The following RBFOX3 variants were observed in gnomAD, a reference collection of about 807,000 sequenced individuals.
RBFOX3 encodes the protein RNA binding protein fox-1 homolog 3.
In RBFOX3, 17 loss-of-function variants were observed where a neutral mutation model predicts 48.7. That is an observed-to-expected ratio of 0.35 (90% CI 0.24 to 0.52). The LOEUF (loss-of-function observed/expected upper bound fraction) is 0.52. Ranked by LOEUF, RBFOX3 falls within the 20% of genes least tolerant of loss-of-function variation. The pLI is 0.94. For missense variants in RBFOX3, 382 were observed against 497.5 expected, an observed-to-expected ratio of 0.77 and a Z score of 2.21; for synonymous variants, 212 against 209.5, an observed-to-expected ratio of 1.01 and a Z score of -0.10.
chr17:79,441,926 G>A (rs1037680079), intron 2 of RBFOX3, among the ~76,000 whole-genome samples: 1 of 152,016 alleles, frequency 6.6e-6, no homozygotes. Context: ...GAGAAAGGCA[G>A]ACCAACAGGT....
chr17:79,560,411 T>G (rs1365840002), intron 1 of RBFOX3, among the ~76,000 whole-genome samples: 3 of 152,072 alleles, frequency 2.0e-5, no homozygotes, highest in African/African-American at 7.2e-5. Flanking sequence ...TGGCGGAAGG[T>G]GTGAGAGGGC....
At chr17:79,435,652 G>A (rs1286645720) in intron 2 of RBFOX3, among the ~76,000 whole-genome samples, 1 of 152,232 alleles carries the variant, frequency 6.6e-6, no homozygotes, top group Non-Finnish European at 1.5e-5. Context: ...CCGGGCTCAG[G>A]CCCGGGCCCC....
At position 79,386,232 on chromosome 17, in the gene RBFOX3, C is replaced by T. The variant is rs150469736; in HGVS notation, c.-174-78408G>A. The stretch of plus-strand genomic sequence containing the variant: ...TAGAGAAAGAGGCTCCATCACCCTC[C>T]ATTGCAGACAGGAACCTCCCACACC... On this transcript the variant is annotated intron_variant, in intron 2 of 14. Transcript: ENST00000693108. 4.0e-5 allele frequency among the ~76,000 whole-genome samples: 6 copies of T among 150,800 alleles called. No homozygotes were observed. In the East Asian group the frequency reaches 1.0e-3, roughly 25 times the overall value.
chr17:79,350,719 T>C (rs918727776), intron 2 of RBFOX3, among the ~76,000 whole-genome samples: 4 of 152,174 alleles, frequency 2.6e-5, no homozygotes, highest in Admixed American at 6.5e-5. Context: ...GCAGGGAAGA[T>C]GCACCATCCT....
At chr17:79,561,095 T>C (rs1429108112) in intron 1 of RBFOX3, among the ~76,000 whole-genome samples, 2 of 152,140 alleles carry the variant, frequency 1.3e-5, no homozygotes, top group African/African-American at 4.8e-5. Flanking sequence ...CAAATAGACC[T>C]TGCACTACAG....
intron 2 of RBFOX3, among the ~76,000 whole-genome samples, chr17:79,415,878 G>A (rs944986950): frequency 1.5e-4 from 23 of 152,110 alleles, no homozygotes; most frequent in Non-Finnish European, 2.8e-4. Flanking sequence ...TGAGCATGCC[G>A]CAGACCCCAG....
chr17:79,198,665 A>C lies in RBFOX3; in HGVS notation c.-34+37101T>G. 6.7e-6 allele frequency among the ~76,000 whole-genome samples: 1 copy of C among 150,174 alleles called. No homozygotes were observed. Among genetic ancestry groups the C allele is most frequent in the Non-Finnish European group, 1.5e-5 (1 of 67,770 alleles). On this transcript the variant is annotated intron_variant, in intron 4 of 14. Coordinates refer to ENST00000693108, the MANE Select transcript of RBFOX3 (RefSeq NM_001350451.2). This position sits in a 1 kb window ranked among gnomAD's most constrained non-coding sequence, Gnocchi z 8.2. Reference sequence around the variant, plus strand: ...TTTTAAGATGGAGTCTTGCTCTGTCACTCAAGCTGGAGTGCAGTGGCATGA... The same window carrying C: ...TTTTAAGATGGAGTCTTGCTCTGTCCCTCAAGCTGGAGTGCAGTGGCATGA...
chr17:79,100,576 C>T (rs1023104900), intron 9 of RBFOX3, among the ~76,000 whole-genome samples: 6 of 152,114 alleles, frequency 3.9e-5, no homozygotes, highest in Non-Finnish European at 8.8e-5. Flanking sequence ...CCTGACTCCA[C>T]GTATGGCCGA....
chr17:79,592,465 G>GTA (rs1176068701), intron 1 of RBFOX3, among the ~76,000 whole-genome samples: 53 of 152,154 alleles, frequency 3.5e-4, no homozygotes, highest in African/African-American at 1.3e-3. Flanking sequence ...GTGCATGTGT[G>GTA]TAGTGTGTGC....
At chr17:79,494,288 A>G (rs2081123575) in intron 1 of RBFOX3, among the ~76,000 whole-genome samples, 3 of 152,178 alleles carry the variant, frequency 2.0e-5, no homozygotes, top group Admixed American at 2.0e-4. Context: ...GCAGCCAGGC[A>G]GGGCAGGAGA....
rs913204456 is a variant in RBFOX3 at position 79,104,182 on chromosome 17, C to T, written c.361-56G>A. On this transcript the variant is annotated intron_variant, in intron 6 of 14. Transcript: ENST00000693108. ...GCAGACAGGAAAGTGCGGGTTAAGA[C>T]TGCTGGCCCAGCTGCCCGCTCCACT... is the stretch of plus-strand genomic sequence containing the variant. 9 of 1,428,324 alleles carry T rather than the reference C, an allele frequency of 6.3e-6. No individual in the cohort carries two copies. The Admixed American group carries it at 1.4e-4, about 22-fold the overall frequency. 88.5% of individuals were successfully genotyped at this position (1,428,324 alleles called of 1,614,324 possible). A position where few individuals can be genotyped will look rare whatever the true frequency, so the allele number is the denominator to read the frequency against.
intron 2 of RBFOX3, among the ~76,000 whole-genome samples, chr17:79,455,266 G>T (rs1555744145): frequency 6.6e-6 from 1 of 152,216 alleles, no homozygotes; most frequent in Non-Finnish European, 1.5e-5. Flanking sequence ...ACCGTGACGG[G>T]GGAGCGGAGA....
At chr17:79,211,006 C>G (rs2058307466) in intron 4 of RBFOX3, among the ~76,000 whole-genome samples, 1 of 151,524 alleles carries the variant, frequency 6.6e-6, no homozygotes, top group African/African-American at 2.4e-5. Context: ...TGCAGAGACA[C>G]AGCAAGAGGT....
chr17:79,441,454 G>A (rs910904162), intron 2 of RBFOX3, among the ~76,000 whole-genome samples: 3 of 152,214 alleles, frequency 2.0e-5, no homozygotes, highest in Non-Finnish European at 4.4e-5. Context: ...AGACACAGAG[G>A]CACACCCAGG....
intron 2 of RBFOX3, among the ~76,000 whole-genome samples, chr17:79,320,315 G>A (rs1380310149): frequency 6.6e-6 from 1 of 152,198 alleles, no homozygotes; most frequent in Non-Finnish European, 1.5e-5. Flanking sequence ...GAGGGGCATT[G>A]CTGGCAGTCC....
chr17:79,292,039 C>G (rs1453803526), intron 3 of RBFOX3, among the ~76,000 whole-genome samples: 1 of 152,048 alleles, frequency 6.6e-6, no homozygotes, highest in Non-Finnish European at 1.5e-5. Context: ...AGCCACGGAG[C>G]TCTCTCACCA....
intron 2 of RBFOX3, among the ~76,000 whole-genome samples, chr17:79,464,817 C>T (rs1015449958): frequency 2.6e-5 from 4 of 152,384 alleles, no homozygotes; most frequent in East Asian, 1.9e-4. Flanking sequence ...CAGCCCCAGC[C>T]GCTCAGATGC....
At chr17:79,619,989 GCACATGCACA>G in the RBFOX3 span, among the ~76,000 whole-genome samples, 6 of 151,496 alleles carry the variant, frequency 4.0e-5, no homozygotes, top group Non-Finnish European at 7.4e-5. Context: ...GCGCACACAC[GCACATGCACA>G]CACATGCACA....
chr17:79,532,436 C>T lies in RBFOX3; in HGVS notation c.-319-49838G>A, dbSNP rs1001511702. Among the ~76,000 whole-genome samples the T allele has an allele frequency of 1.7e-4, 26 of 152,294 alleles. 1 individual carries two copies. In the South Asian group the frequency reaches 3.9e-3, roughly 23 times the overall value. ...AGGAACCAGGTTGCATGCAGGGAGG[C>T]TCAGCCAGAGCTGATGAGGTTGCAG... is the stretch of plus-strand genomic sequence containing the variant. On this transcript the variant is annotated intron_variant, in intron 1 of 14. Transcript: ENST00000693108.
Sources: allele counts gnomAD v4.1 joint callset (sites outside exome capture counted in the v4.1 genomes callset), GRCh38; gene constraint gnomAD v4.1.1; non-coding constraint Gnocchi (gnomAD v3.1); transcripts MANE v1.5; gene names NCBI Gene and HGNC (gene_info 2026-07-23, HGNC 2026-07-21).